The following CMSS1 variants were observed in gnomAD, a reference collection of about 807,000 sequenced individuals.
CMSS1 encodes protein CMSS1.
Under a neutral mutation model 43.5 loss-of-function variants are expected in CMSS1, and 33 were observed. That is an observed-to-expected ratio of 0.76 (90% confidence interval 0.57 to 1.01). CMSS1 has a LOEUF of 1.01. CMSS1 is among the 50% of genes least tolerant of loss of function. The probability of loss-of-function intolerance (pLI) is 0.00; values close to 1 mark genes in which losing one functional copy is unlikely to be tolerated. For synonymous variants in CMSS1, 115 were observed against 117.2 expected (o/e 0.98, Z 0.12); for missense variants, 313 against 326.4 (o/e 0.96, Z 0.32).
intron 8 of CMSS1, 149 bp downstream of exon 8, chr3:100,172,552 C>A: frequency 3.2e-6 from 2 of 629,376 alleles, no homozygotes; most frequent in Non-Finnish European, 5.6e-6. Context: ...TCTCTGAAAC[C>A]AACCAGCAAG....
intron 1 of CMSS1, among the ~76,000 whole-genome samples, chr3:100,097,956 G>A (rs1160516319): frequency 3.3e-5 from 5 of 152,192 alleles, no homozygotes; most frequent in African/African-American, 9.6e-5. Context: ...TTTCATCAAC[G>A]GTAGCATATC....
intron 1 of CMSS1, among the ~76,000 whole-genome samples, chr3:99,960,098 C>T (rs1708448959): frequency 6.6e-6 from 1 of 152,048 alleles, no homozygotes; most frequent in African/African-American, 2.4e-5. Flanking sequence ...TGGCTCCATC[C>T]CGACCTGGGT....
intron 1 of CMSS1, among the ~76,000 whole-genome samples, chr3:100,004,873 C>T (rs1295634889): frequency 6.6e-6 from 1 of 152,150 alleles, no homozygotes; most frequent in African/African-American, 2.4e-5. Context: ...AGATTAGAGG[C>T]AGGAGAATTA....
At chr3:99,998,778 C>G (rs1044406554) in intron 1 of CMSS1, among the ~76,000 whole-genome samples, 1 of 152,150 alleles carries the variant, frequency 6.6e-6, no homozygotes, top group African/African-American at 2.4e-5. Context: ...ACCGTATTAG[C>G]CAGGATGGTC....
intron 1 of CMSS1, among the ~76,000 whole-genome samples, chr3:99,983,234 T>C (rs957641083): frequency 6.6e-6 from 1 of 151,190 alleles, no homozygotes; most frequent in African/African-American, 2.4e-5. Context: ...AGCACTGATA[T>C]AAAGAAATGG....
At chr3:99,927,626 C>T (rs1707336687) in intron 1 of CMSS1, among the ~76,000 whole-genome samples, 1 of 152,210 alleles carries the variant, frequency 6.6e-6, no homozygotes, top group African/African-American at 2.4e-5. Context: ...GCCTCGGCCT[C>T]CCAAAGTGCT....
intron 1 of CMSS1, among the ~76,000 whole-genome samples, chr3:100,061,019 G>T (rs999205845): frequency 1.3e-5 from 2 of 152,004 alleles, no homozygotes; most frequent in Admixed American, 1.3e-4. Context: ...CCACACACAA[G>T]AAACCACACC....
rs189132011 is a variant in CMSS1 at position 100,006,009 on chromosome 3, G to C, written c.65-140964G>C. ...AATGGAGAATGGTAGAGAAGGGAAAGGTAGTTTGATAGGAAGTGGGATAGA... is the reference window on the plus strand; with the variant it reads ...AATGGAGAATGGTAGAGAAGGGAAACGTAGTTTGATAGGAAGTGGGATAGA... On this transcript the variant is annotated intron_variant, in intron 1 of 9. Transcript: ENST00000421999. Among the ~76,000 whole-genome samples, 88 of 152,300 alleles carry C rather than the reference G, an allele frequency of 5.8e-4. No homozygotes were observed. In the East Asian group the frequency reaches 0.016, roughly 27 times the overall value.
At chr3:100,091,974 A>G (rs1054443866) in intron 1 of CMSS1, among the ~76,000 whole-genome samples, 22 of 152,218 alleles carry the variant, frequency 1.4e-4, no homozygotes, top group Non-Finnish European at 2.2e-4. Flanking sequence ...TTTACCAGCT[A>G]TCTGTCCTAG....
At chr3:100,000,592 G>GTAAT (rs1343982455) in intron 1 of CMSS1, among the ~76,000 whole-genome samples, 2 of 152,208 alleles carry the variant, frequency 1.3e-5, no homozygotes, top group African/African-American at 4.8e-5. Context: ...GCTTATGGCT[G>GTAAT]TAATTCCAGC....
At chr3:100,097,019 C>T (rs1383568665) in intron 1 of CMSS1, among the ~76,000 whole-genome samples, 1 of 152,136 alleles carries the variant, frequency 6.6e-6, no homozygotes, top group Non-Finnish European at 1.5e-5. Context: ...ACTCTGTGGC[C>T]TGTTAGGAAC....
intron 1 of CMSS1, among the ~76,000 whole-genome samples, chr3:100,033,084 A>G (rs2065046319): frequency 6.6e-6 from 1 of 152,114 alleles, no homozygotes; most frequent in Non-Finnish European, 1.5e-5. Flanking sequence ...AGAATTCAGG[A>G]AAACTATCTT....
chr3:100,024,765 A>G (rs780087362), intron 1 of CMSS1, among the ~76,000 whole-genome samples: 15 of 152,246 alleles, frequency 9.9e-5, no homozygotes, highest in Non-Finnish European at 8.8e-5. Context: ...GAGCTCAGTT[A>G]CGGAGGCTTC....
chr3:100,018,305 G>A (rs564937179), intron 1 of CMSS1, among the ~76,000 whole-genome samples: 1 of 152,180 alleles, frequency 6.6e-6, no homozygotes, highest in South Asian at 2.1e-4. Flanking sequence ...CAGCCTAGGC[G>A]ACAAGAGCAA....
At chr3:100,025,007 T>C (rs1159851959) in intron 1 of CMSS1, among the ~76,000 whole-genome samples, 4 of 152,212 alleles carry the variant, frequency 2.6e-5, no homozygotes, top group Non-Finnish European at 5.9e-5. Flanking sequence ...AATATCTGTC[T>C]TGATGCTTAC....
At chr3:99,983,474 A>ATATATGTGTATGTGTG (rs1709223966) in intron 1 of CMSS1, among the ~76,000 whole-genome samples, 3 of 16,706 alleles carry the variant, frequency 1.8e-4, no homozygotes, top group Non-Finnish European at 2.4e-4. Context: ...GTATATATAT[A>ATATATGTGTATGTGTG]TATATATATA....
At chr3:99,848,247 G>A (rs1401687735) in intron 1 of CMSS1, 9 of 1,601,746 alleles carry the variant, frequency 5.6e-6, no homozygotes, top group Non-Finnish European at 7.7e-6. Flanking sequence ...AAAAATATCA[G>A]TATGGACTGG....
intron 1 of CMSS1, among the ~76,000 whole-genome samples, chr3:99,853,539 A>G (rs1943808551): frequency 6.6e-6 from 1 of 152,210 alleles, no homozygotes; most frequent in African/African-American, 2.4e-5. Context: ...AAAGGTTTAG[A>G]AAAAAATTCA....
Position 100,036,450 on chromosome 3 carries a change from C to T in CMSS1, c.65-110523C>T, listed in dbSNP as rs376481717. Among the ~76,000 whole-genome samples, 7 of 151,892 alleles carry T rather than the reference C, an allele frequency of 4.6e-5. No individual in the cohort carries two copies. In the East Asian group the frequency reaches 7.7e-4, roughly 17 times the overall value. ...GCCTAATCTGAAACAACCTGAAGAG[C>T]GAAATAATTATAAAATGGAAGGTGA... is the stretch of plus-strand genomic sequence containing the variant. On this transcript the variant is annotated intron_variant, in intron 1 of 9. Coordinates refer to ENST00000421999, the MANE Select transcript of CMSS1 (RefSeq NM_032359.4).
Sources: gnomAD v4.1 joint callset for allele counts (sites outside exome capture counted in the v4.1 genomes callset) on GRCh38, gnomAD v4.1.1 for gene constraint, MANE v1.5 for transcripts, NCBI Gene and HGNC (gene_info 2026-07-23, HGNC 2026-07-21) for gene names.